Variants in MCOLN1 observed in about 807,000 individuals in gnomAD.
The protein encoded by MCOLN1 is mucolipin-1.
A neutral mutation model predicts 70.3 loss-of-function variants in MCOLN1; 50 were observed. The observed-to-expected ratio is 0.71, with a 90% confidence interval of 0.57 to 0.90. The LOEUF (loss-of-function observed/expected upper bound fraction) is 0.90, where lower values mean the gene tolerates loss of function less well. Ranked by LOEUF, MCOLN1 falls within the 40% of genes least tolerant of loss-of-function variation. MCOLN1 has a pLI of 0.00. For synonymous variants in MCOLN1, 366 were observed against 341.0 expected (o/e 1.07, Z -0.81); for missense variants, 598 against 803.5 (o/e 0.74, Z 3.09).
At chr19:7,530,238 T>G in intron 11 of MCOLN1, 48 bp from the exon 12 acceptor site, 3 of 1,534,922 alleles carry the variant, frequency 2.0e-6, no homozygotes, top group Non-Finnish European at 2.7e-6. Context: ...CAGCCCCCGG[T>G]TCCTGGCCAT....
rs1196404767 is a variant in MCOLN1 at position 7,525,123 on chromosome 19, A to G, written c.194A>G (p.Lys65Arg). 6.2e-7 allele frequency: 1 copy of G among 1,614,174 alleles called. No individual in the cohort carries two copies. The highest frequency in any genetic ancestry group is 8.5e-7 in the Non-Finnish European group (1 of 1,180,038). ...KFRAKGRKPC[K>R]LMLQVVKILV... Reference sequence around the variant, plus strand: ...CGAGCCAAGGGCCGCAAGCCCTGCAAGCTGATGCTGCAAGTGGTCAAGATC... The same window carrying G: ...CGAGCCAAGGGCCGCAAGCCCTGCAGGCTGATGCTGCAAGTGGTCAAGATC... The change falls in exon 2 of 14, where the codon AAG becomes AGG. Residue 65 changes from lysine to arginine, a missense_variant. Lys to Arg is a conservative substitution (Grantham distance 26, BLOSUM62 2). This residue lies in a region of MCOLN1 where 461 missense variants were observed against 588.4 expected (regional missense o/e 0.78). Transcript: ENST00000264079. This position sits in a 1 kb window ranked among gnomAD's most constrained non-coding sequence, Gnocchi z 4.2.
At chr19:7,527,724 C>T (rs1472573313) in intron 5 of MCOLN1, 96 bp downstream of exon 5, 7 of 1,068,700 alleles carry the variant, frequency 6.6e-6, no homozygotes, top group Non-Finnish European at 7.3e-6. Context: ...GGGGACAGGG[C>T]CCCCCCGCCC....
chr19:7,530,341 A>G lies in MCOLN1; in HGVS notation c.1415A>G (p.Asp472Gly). The change falls in exon 12 of 14, where the codon GAC becomes GGC. Residue 472 changes from aspartate to glycine, a missense_variant. Asp to Gly is a moderately conservative substitution (Grantham distance 94). This residue lies in a region of MCOLN1 where 78 missense variants were observed against 156.2 expected (regional missense o/e 0.50). Transcript: ENST00000264079. ...CTGTTCTCGCTCATCAATGGGGACG[A>G]CATGTTTGTGACGTTCGCCGCCATG... ...ECLFSLINGD[D>G]MFVTFAAMQA... 2 of 1,613,834 alleles carry G rather than the reference A, an allele frequency of 1.2e-6. No homozygotes were observed. The highest frequency in any genetic ancestry group is 1.7e-6 in the Non-Finnish European group (2 of 1,180,028).
At position 7,526,670 on chromosome 19, in the gene MCOLN1, G is replaced by A. The variant is rs2022573795; in HGVS notation, c.405+64G>A. The A allele has an allele frequency of 6.3e-7, 1 of 1,596,636 alleles. No individual in the cohort carries two copies. Among genetic ancestry groups the A allele is most frequent in the Non-Finnish European group, 8.5e-7 (1 of 1,178,058 alleles). ...GCAGGTGGGCGGGCAGGTGCAGTTG[G>A]GCGGGCAGGTGCTGGTGGGCGGGCA... On this transcript the variant is annotated intron_variant, in intron 3 of 13. Coordinates refer to ENST00000264079, the MANE Select transcript of MCOLN1 (RefSeq NM_020533.3). The surrounding 1 kb of genome is among the most constrained non-coding windows in gnomAD (Gnocchi z 4.6).
At position 7,530,510 on chromosome 19, in the gene MCOLN1, C is replaced by G; in HGVS notation, c.1575+9C>G. 6.2e-7 allele frequency: 1 copy of G among 1,606,970 alleles called. No individual in the cohort carries two copies. The highest frequency in any genetic ancestry group is 8.5e-7 in the Non-Finnish European group (1 of 1,179,598). ...CCTACGACACCATCAAGGTCAGCCG[C>G]ATGCACCCAGCCCTGAGCTCGGGCT... On this transcript the variant is annotated intron_variant, in intron 12 of 13. Transcript: ENST00000264079.
rs1306806632 is a variant in MCOLN1, at chr19:7,528,182, A to G, written c.802A>G (p.Ser268Gly). The part of the protein sequence containing the change: ...VLITFDNKAH[S>G]GRIPISLETQ... ...GATCACGTTTGACAACAAAGCACAC[A>G]GTGGGCGGATCCCCATCAGCCTGGA... The change falls in exon 7 of 14, where the codon AGT becomes GGT. Residue 268 changes from serine (S) to glycine (G), a missense_variant. Physicochemically the swap from Ser to Gly is moderately conservative, Grantham distance 56. Around this residue, in one of 3 missense-constraint regions of MCOLN1, gnomAD observed 461 missense variants for 588.4 expected, o/e 0.78. Transcript: ENST00000264079. This position sits in a 1 kb window ranked among gnomAD's most constrained non-coding sequence, Gnocchi z 4.2. 3 of 1,613,942 alleles carry G rather than the reference A, an allele frequency of 1.9e-6. No homozygotes were observed. Among genetic ancestry groups the G allele is most frequent in the Admixed American group, 1.7e-5 (1 of 60,004 alleles).
intron 1 of MCOLN1, among the ~76,000 whole-genome samples, chr19:7,523,592 AGGCCAGGCCCTAGAAAGCAGCACGG>A (rs1322216538): frequency 3.9e-5 from 6 of 152,198 alleles, no homozygotes; most frequent in Non-Finnish European, 5.9e-5. Context: ...GCTAGGCAGG[AGGCCAGGCCCTAGAAAGCAGCACGG>A]GGCCAGGCCC....
intron 12 of MCOLN1, among the ~76,000 whole-genome samples, chr19:7,532,479 G>T (rs570808363): frequency 3.4e-4 from 51 of 152,196 alleles, no homozygotes; most frequent in Middle Eastern, 6.8e-3. Context: ...AGGCCGAGGG[G>T]GGGTGGGGGT....
rs2022577991 is a variant in MCOLN1, at chr19:7,526,816, G to T, written c.461G>T (p.Gly154Val). Residue 154 changes from glycine to valine, a missense_variant, in exon 4 of 14, where the codon GGT becomes GTT. Gly to Val is a moderately radical substitution (Grantham distance 109). Around this residue, in one of 3 missense-constraint regions of MCOLN1, gnomAD observed 461 missense variants for 588.4 expected, o/e 0.78. Transcript: ENST00000264079. This position sits in a 1 kb window ranked among gnomAD's most constrained non-coding sequence, Gnocchi z 4.6. Reference protein sequence around the residue: ...LGRYAYVRGGGDPWTNGSGLA... With the variant: ...LGRYAYVRGGVDPWTNGSGLA... ...CGGTATGCGTATGTCCGTGGTGGGG[G>T]TGACCCTTGGACCAATGGCTCAGGG... 1.2e-6 allele frequency: 2 copies of T among 1,614,192 alleles called. No homozygotes were observed. Among genetic ancestry groups the T allele is most frequent in the Non-Finnish European group, 1.7e-6 (2 of 1,180,034 alleles).
Position 7,527,295 on chromosome 19 carries a change from A to C in MCOLN1, c.572-225A>C, listed in dbSNP as rs111892258. On this transcript the variant is annotated intron_variant, in intron 4 of 13. Coordinates refer to ENST00000264079, the MANE Select transcript of MCOLN1 (RefSeq NM_020533.3). ...TCAAAAAAAAAAAAAAAAAAAAAAA[A>C]CAAGTATGCTTAGTGTGAGTGTGAC... is the stretch of plus-strand genomic sequence containing the variant. 2.1e-3 allele frequency: 1,121 copies of C among 527,580 alleles called. 5 individuals carry two copies. Among genetic ancestry groups the C allele is most frequent in the African/African-American group, 0.02 (975 of 48,914 alleles). 32.7% of individuals were successfully genotyped at this position (527,580 alleles called of 1,614,324 possible). A position where few individuals can be genotyped will look rare whatever the true frequency, so the allele number is the denominator to read the frequency against.
rs377681899 is a variant in MCOLN1 at position 7,527,570 on chromosome 19, G to A, written c.622G>A (p.Asp208Asn). The A allele has an allele frequency of 4.6e-5, 74 of 1,612,432 alleles. No individual in the cohort carries two copies. The highest frequency in any genetic ancestry group is 5.6e-5 in the Non-Finnish European group (66 of 1,178,648). ...PERPPPPPSDDLTLLESSSSY... is the reference protein window; with the variant it reads ...PERPPPPPSDNLTLLESSSSY... ...GCGGCCCCCTCCGCCCCCCAGCGAC[G>A]ATCTCACCCTCTTGGAAAGCAGCTC... The change falls in exon 5 of 14, where the codon GAT becomes AAT. Residue 208 changes from aspartate to asparagine, a missense_variant. Asp to Asn is a conservative substitution (Grantham distance 23). Around this residue, in one of 3 missense-constraint regions of MCOLN1, gnomAD observed 461 missense variants for 588.4 expected, o/e 0.78. Coordinates refer to ENST00000264079, the MANE Select transcript of MCOLN1 (RefSeq NM_020533.3).
chr19:7,529,529 G>GGGC, intron 10 of MCOLN1, 61 bp from the exon 11 acceptor site: 4 of 1,481,576 alleles, frequency 2.7e-6, no homozygotes, highest in Non-Finnish European at 3.7e-6. Context: ...CCATCTGGGT[G>GGGC]CCCACAGCTG....
At position 7,528,685 on chromosome 19, in the gene MCOLN1, A is replaced by T. The variant is rs61736600; in HGVS notation, c.966A>T (p.Arg322=). Residue 322 remains arginine (R), a synonymous_variant, in exon 8 of 14, where the codon CGA becomes CGT. Transcript: ENST00000264079. This position sits in a 1 kb window ranked among gnomAD's most constrained non-coding sequence, Gnocchi z 4.2. ...TCCTCTGCGCCCGCTCACTCCTTCGAGGCTTCCTGCTGCAGAACGTGAGGC... is the reference window on the plus strand; with the variant it reads ...TCCTCTGCGCCCGCTCACTCCTTCGTGGCTTCCTGCTGCAGAACGTGAGGC... The part of the protein sequence containing the change: ...SFLLCARSLL[R]GFLLQNEFVG... 1.9e-6 allele frequency: 3 copies of T among 1,614,014 alleles called. No individual in the cohort carries two copies. The highest frequency in any genetic ancestry group is 2.5e-6 in the Non-Finnish European group (3 of 1,179,990).
At chr19:7,523,732 GA>G (rs895376151) in intron 1 of MCOLN1, among the ~76,000 whole-genome samples, 5 of 152,070 alleles carry the variant, frequency 3.3e-5, no homozygotes, top group African/African-American at 1.2e-4. Flanking sequence ...CATTAGGCTG[GA>G]AAAAAATAAA....
At position 7,525,648 on chromosome 19, in the gene MCOLN1, G is replaced by C. The variant is rs1438975960; in HGVS notation, c.237+482G>C. On this transcript the variant is annotated intron_variant, in intron 2 of 13. Transcript: ENST00000264079. This position sits in a 1 kb window ranked among gnomAD's most constrained non-coding sequence, Gnocchi z 4.2. The stretch of plus-strand genomic sequence containing the variant: ...AGATAGTTCTCCCTCCCCCATGCCA[G>C]ACCCTGTGCTGGGCTCTGGGAACCC... The C allele has an allele frequency of 1.9e-5, 4 of 207,566 alleles. No homozygotes were observed. The highest frequency in any genetic ancestry group is 9.5e-5 in the African/African-American group (4 of 42,020). 12.9% of individuals were successfully genotyped at this position (207,566 alleles called of 1,614,324 possible).
intron 5 of MCOLN1, 76 bp from the exon 6 acceptor site, chr19:7,527,788 T>TCCCTGCCAGCTGCAGAGTCAGCACGA: frequency 7.8e-7 from 1 of 1,282,568 alleles, no homozygotes; most frequent in Non-Finnish European, 1.1e-6. Context: ...AGTCAGCACG[T>TCCCTGCCAGCTGCAGAGTCAGCACGA]GGCAGGGGAC....
chr19:7,529,786 C>A, intron 11 of MCOLN1, 74 bp downstream of exon 11: 1 of 1,577,618 alleles, frequency 6.3e-7, no homozygotes, highest in Non-Finnish European at 8.7e-7. Context: ...CCAGATGACC[C>A]CTTGGTGACT....
In MCOLN1 at chr19:7,533,896, C is replaced by G; in HGVS notation, c.*101C>G. 6.9e-7 allele frequency: 1 copy of G among 1,443,572 alleles called. No individual in the cohort carries two copies. The highest frequency in any genetic ancestry group is 9.6e-7 in the Non-Finnish European group (1 of 1,045,514). 89.4% of individuals were successfully genotyped at this position (1,443,572 alleles called of 1,614,324 possible). On this transcript the variant is annotated 3_prime_UTR_variant, in exon 14 of 14. Transcript: ENST00000264079. ...AGGGTTTGCTTTTAAGGATCGGCTCCCTGTCGCGCCCGAGGAGGGCCTGGA... is the reference window on the plus strand; with the variant it reads ...AGGGTTTGCTTTTAAGGATCGGCTCGCTGTCGCGCCCGAGGAGGGCCTGGA...
chr19:7,533,374 CTG>C (rs1599258149), intron 12 of MCOLN1, 147 bp from the exon 13 acceptor site: 4 of 1,034,210 alleles, frequency 3.9e-6, no homozygotes, highest in South Asian at 1.5e-5. Flanking sequence ...TGCAAGCAAA[CTG>C]TGGAACAACG....
Sources: allele counts gnomAD v4.1 joint callset (sites outside exome capture counted in the v4.1 genomes callset), GRCh38; gene constraint gnomAD v4.1.1; regional missense constraint gnomAD v4.1.1; non-coding constraint Gnocchi (gnomAD v3.1); transcripts MANE v1.5; gene names NCBI Gene and HGNC (gene_info 2026-07-23, HGNC 2026-07-21).